The following TBC1D2 variants were observed in gnomAD, a reference collection of about 807,000 sequenced individuals.
TBC1D2 encodes the protein TBC1 domain family member 2, also known as TBC1 domain family member 2A.
TBC1D2 carries 58 observed loss-of-function variants against 91.1 expected under a neutral mutation model. That is an observed-to-expected ratio of 0.64 (90% CI 0.52 to 0.79). The LOEUF is 0.79. Among genes scored for constraint, TBC1D2 ranks in the 30% least tolerant of loss-of-function variants. TBC1D2 has a pLI of 0.00. For missense variants in TBC1D2, 1,080 were observed against 1,208.3 expected, an observed-to-expected ratio of 0.89 and a Z score of 1.57; for synonymous variants, 482 against 511.5, an observed-to-expected ratio of 0.94 and a Z score of 0.78.
Position 98,228,628 on chromosome 9 carries a change from T to G in TBC1D2, c.978+324A>C, listed in dbSNP as rs973588074. Reference sequence around the variant, plus strand: ...CGACAGCCCCTCCCATGACCCTGCATCCAGATCACCTGCCTCTAAATAATG... The same window carrying G: ...CGACAGCCCCTCCCATGACCCTGCAGCCAGATCACCTGCCTCTAAATAATG... On this transcript the variant is annotated intron_variant, in intron 5 of 12. Coordinates refer to ENST00000465784, the MANE Select transcript of TBC1D2 (RefSeq NM_001267571.2). The surrounding 1 kb of genome is among the most constrained non-coding windows in gnomAD (Gnocchi z 4.0). Among the ~76,000 whole-genome samples the G allele has an allele frequency of 6.6e-6, 1 of 152,090 alleles. No individual in the cohort carries two copies. Among genetic ancestry groups the G allele is most frequent in the Admixed American group, 6.6e-5 (1 of 15,260 alleles).
chr9:98,246,515 G>A (rs897921521), intron 2 of TBC1D2, among the ~76,000 whole-genome samples: 3 of 152,174 alleles, frequency 2.0e-5, no homozygotes, highest in African/African-American at 7.2e-5. Flanking sequence ...CACAGACTGG[G>A]TGTTTACCCT....
At chr9:98,254,896 A>C (rs896937657) in intron 1 of TBC1D2, among the ~76,000 whole-genome samples, 5 of 152,178 alleles carry the variant, frequency 3.3e-5, no homozygotes, top group African/African-American at 1.2e-4. Context: ...ATGGGATTCC[A>C]AGCTACCCTA....
At chr9:98,231,456 G>C (rs1829369105) in intron 4 of TBC1D2, among the ~76,000 whole-genome samples, 1 of 152,010 alleles carries the variant, frequency 6.6e-6, no homozygotes, top group Non-Finnish European at 1.5e-5. Context: ...GTTTAACACA[G>C]TGTAAACACC....
In TBC1D2 at chr9:98,209,028, G is replaced by A; in HGVS notation, c.1790C>T (p.Ala597Val). The A allele has an allele frequency of 6.2e-7, 1 of 1,614,162 alleles. No homozygotes were observed. Among genetic ancestry groups the A allele is most frequent in the South Asian group, 1.1e-5 (1 of 91,082 alleles). ...SRSHHLLGLE[A>V]VDRPLRERWA... is the part of the protein sequence containing the mutation. Reference sequence around the variant, plus strand: ...GCGCTCCCTCAGCGGCCGATCCACAGCCTCGAGGCCCAGCAGGTGGTGGGA... The same window carrying A: ...GCGCTCCCTCAGCGGCCGATCCACAACCTCGAGGCCCAGCAGGTGGTGGGA... The change falls in exon 9 of 13, where the codon GCT becomes GTT. Residue 597 changes from alanine to valine, a missense_variant. Ala to Val is a moderately conservative substitution (Grantham distance 64). Transcript: ENST00000465784.
At position 98,199,220 on chromosome 9, in the gene TBC1D2, C is replaced by T. The variant is rs1828414451; in HGVS notation, c.*161G>A. 5 of 784,686 alleles carry T rather than the reference C, an allele frequency of 6.4e-6. No individual in the cohort carries two copies. Among genetic ancestry groups the T allele is most frequent in the South Asian group, 5.4e-5 (3 of 55,922 alleles). The allele number at this position is 784,686 out of a possible 1,614,324, so 48.6% of individuals were successfully genotyped here. On this transcript the variant is annotated 3_prime_UTR_variant, in exon 13 of 13. Coordinates refer to ENST00000465784, the MANE Select transcript of TBC1D2 (RefSeq NM_001267571.2). The stretch of plus-strand genomic sequence containing the variant: ...GCCCAACCAATGGCTTTGCAGCACA[C>T]AATGTCCCAGTGGGGAAACTGAGGG...
chr9:98,244,140 A>G lies in TBC1D2; in HGVS notation c.512-11T>C, dbSNP rs771025207. 2.0e-5 allele frequency: 33 copies of G among 1,612,652 alleles called. No homozygotes were observed. In the South Asian group the frequency reaches 2.9e-4, roughly 14 times the overall value. On this transcript the variant is annotated splice_polypyrimidine_tract_variant and intron_variant, in intron 2 of 12. Coordinates refer to ENST00000465784, the MANE Select transcript of TBC1D2 (RefSeq NM_001267571.2). ...CTGCCTCTTCTTGCCCTGGGAACAAAGAAAAGGGAAATCCATCAGCTGGGT... is the reference window on the plus strand; with the variant it reads ...CTGCCTCTTCTTGCCCTGGGAACAAGGAAAAGGGAAATCCATCAGCTGGGT...
At chr9:98,203,772 TCAGTGCCCCACA>T (rs1389389986) in intron 9 of TBC1D2, among the ~76,000 whole-genome samples, 2 of 152,132 alleles carry the variant, frequency 1.3e-5, no homozygotes, top group African/African-American at 4.8e-5. Flanking sequence ...CAGAGCTCAT[TCAGTGCCCCACA>T]CAGTGCCTGC....
chr9:98,224,753 CA>C (rs1278722328), intron 5 of TBC1D2, among the ~76,000 whole-genome samples: 1 of 152,116 alleles, frequency 6.6e-6, no homozygotes, highest in African/African-American at 2.4e-5. Context: ...GTGGGCCCTA[CA>C]GGGGTCAGAT....
In TBC1D2 at chr9:98,199,463, T is replaced by A; in HGVS notation, c.2705A>T (p.Glu902Val). 1 of 1,614,108 alleles carries A rather than the reference T, an allele frequency of 6.2e-7. No individual in the cohort carries two copies. Among genetic ancestry groups the A allele is most frequent in the Non-Finnish European group, 8.5e-7 (1 of 1,180,020 alleles). The change falls in exon 13 of 13, where the codon GAG becomes GTG. Residue 902 changes from glutamate (E) to valine (V), a missense_variant. By Grantham distance (121) the Glu-to-Val change is moderately radical (BLOSUM62 -2). Transcript: ENST00000465784. ...ELRELEQLKA[E>V]YLERRASRRR... is the part of the protein sequence containing the mutation. Reference sequence around the variant, plus strand: ...CCGGGATGCCCGCCTCTCCAGGTACTCTGCCTTAAGCTGCTCCAGCTCCCG... The same window carrying A: ...CCGGGATGCCCGCCTCTCCAGGTACACTGCCTTAAGCTGCTCCAGCTCCCG...
At chr9:98,232,342 G>GTTTTTTTTTTTTTTTTTT (rs753455224) in intron 4 of TBC1D2, among the ~76,000 whole-genome samples, 11,316 of 85,110 alleles carry the variant, frequency 0.13, 1,602 homozygotes, top group East Asian at 0.18. Flanking sequence ...CTCTTTTTCT[G>GTTTTTTTTTTTTTTTTTT]TTTTTTTTTT....
chr9:98,224,202 AAAAAAAAAGAAAAGAAAAG>A (rs1248982566), intron 5 of TBC1D2, among the ~76,000 whole-genome samples: 1 of 130,116 alleles, frequency 7.7e-6, no homozygotes, highest in African/African-American at 3.3e-5. Flanking sequence ...ATCTCAAAAA[AAAAAAAAAGAAAAGAAAAG>A]AAAAGAAAAA....
chr9:98,250,014 G>C (rs536311236), intron 2 of TBC1D2, among the ~76,000 whole-genome samples: 10 of 151,904 alleles, frequency 6.6e-5, no homozygotes, highest in South Asian at 4.2e-4. Context: ...GACAAGGACG[G>C]GGGTAATTAT....
chr9:98,231,544 C>T (rs575954731), intron 4 of TBC1D2, among the ~76,000 whole-genome samples: 17 of 152,042 alleles, frequency 1.1e-4, no homozygotes, highest in South Asian at 1.0e-3. Flanking sequence ...TGATTTTGCC[C>T]AAATGTATGT....
At chr9:98,219,206 G>A (rs1342624204) in intron 6 of TBC1D2, among the ~76,000 whole-genome samples, 1 of 152,188 alleles carries the variant, frequency 6.6e-6, no homozygotes, top group Non-Finnish European at 1.5e-5. Context: ...AAGAGGACTA[G>A]TTGGGCTATT....
intron 3 of TBC1D2, among the ~76,000 whole-genome samples, chr9:98,235,992 G>A (rs12346750): frequency 0.24 from 36,561 of 151,106 alleles, 4,635 homozygotes; most frequent in Non-Finnish European, 0.28. Flanking sequence ...CCGAGAAAGC[G>A]CCACCTGTAC....
chr9:98,252,536 G>A (rs1829893199), intron 1 of TBC1D2, among the ~76,000 whole-genome samples: 1 of 152,216 alleles, frequency 6.6e-6, no homozygotes, highest in African/African-American at 2.4e-5. Context: ...TCCCAGCACT[G>A]GCTGGCGGTT....
At chr9:98,216,067 G>A (rs1445780348) in intron 6 of TBC1D2, among the ~76,000 whole-genome samples, 2 of 152,234 alleles carry the variant, frequency 1.3e-5, no homozygotes, top group South Asian at 2.1e-4. Flanking sequence ...CTGCGGGCAC[G>A]CTGTCTGGGT....
intron 4 of TBC1D2, 140 bp downstream of exon 4, chr9:98,233,276 T>A (rs1829416326): frequency 8.5e-7 from 1 of 1,173,044 alleles, no homozygotes; most frequent in Non-Finnish European, 1.2e-6. Context: ...ACGCAGTCTA[T>A]GGTGTTTCAG....
chr9:98,209,307 C>A (rs1480009838), intron 8 of TBC1D2, among the ~76,000 whole-genome samples, 163 bp from the exon 9 acceptor site: 1 of 152,052 alleles, frequency 6.6e-6, no homozygotes, highest in Admixed American at 6.5e-5. Context: ...CCTCAGATTG[C>A]GAATCTGTAT....
Sources: allele counts gnomAD v4.1 joint callset (sites outside exome capture counted in the v4.1 genomes callset), GRCh38; gene constraint gnomAD v4.1.1; non-coding constraint Gnocchi (gnomAD v3.1); transcripts MANE v1.5; gene names NCBI Gene and HGNC (gene_info 2026-07-23, HGNC 2026-07-21).